The following FRMPD4 variants were observed in gnomAD, a reference collection of about 807,000 sequenced individuals.
FRMPD4 encodes the protein FERM and PDZ domain containing 4.
Under a neutral mutation model 94.1 loss-of-function variants are expected in FRMPD4, and 22 were observed. The observed-to-expected ratio is 0.23, with a 90% confidence interval of 0.17 to 0.33. The LOEUF is 0.33. Among genes scored for constraint, FRMPD4 ranks in the 10% least tolerant of loss-of-function variants. FRMPD4 has a pLI of 1.00. For synonymous variants in FRMPD4, 631 were observed against 548.6 expected, an observed-to-expected ratio of 1.15 and a Z score of -2.10; for missense variants, 1,111 against 1,339.9, an observed-to-expected ratio of 0.83 and a Z score of 2.67.
At chrX:12,011,159 C>T (rs1569142128) in intron 3 of FRMPD4, among the ~76,000 whole-genome samples, 1 of 112,426 alleles carries the variant, frequency 8.9e-6, no homozygotes, top group Non-Finnish European at 1.9e-5. Flanking sequence ...TTACATGTTT[C>T]TATGTTGCAG....
At chrX:12,264,631 A>G (rs968643818) in intron 1 of FRMPD4, among the ~76,000 whole-genome samples, 3 of 112,515 alleles carry the variant, frequency 2.7e-5, no homozygotes, top group Admixed American at 1.9e-4. Flanking sequence ...TTTTCCCACA[A>G]GACTTTGATG....
In FRMPD4 at chrX:12,721,219, G is replaced by A. The variant is rs2042233415; in HGVS notation, c.4650G>A (p.Val1550=). 1.7e-5 allele frequency: 13 copies of A among 756,390 alleles called. No homozygotes were observed. Among genetic ancestry groups the A allele is most frequent in the Non-Finnish European group, 2.0e-5 (13 of 639,581 alleles). The allele number at this position is 756,390 out of a possible 1,213,427, so 62.3% of individuals were successfully genotyped here. A position where few individuals can be genotyped will look rare whatever the true frequency, so the allele number is the denominator to read the frequency against. ...MPEPSSPCLA[V]AIQKQRGELS... ...AACCAAGCAGCCCATGCCTGGCTGTGGCGATTCAGAAGCAACGAGGGGAGC... is the reference window on the plus strand; with the variant it reads ...AACCAAGCAGCCCATGCCTGGCTGTAGCGATTCAGAAGCAACGAGGGGAGC... The change falls in exon 17 of 17, where the codon GTG becomes GTA. Residue 1550 remains valine (V), a synonymous_variant. Coordinates refer to ENST00000675598, the MANE Select transcript of FRMPD4 (RefSeq NM_001368397.1).
intron 4 of FRMPD4, among the ~76,000 whole-genome samples, chrX:12,658,420 C>G (rs1198968823): frequency 8.9e-6 from 1 of 111,876 alleles, no homozygotes; most frequent in African/African-American, 3.3e-5. Context: ...AAGTCTTATC[C>G]TAGGTGATGA....
chrX:12,589,445 A>T (rs2148391415), intron 2 of FRMPD4, among the ~76,000 whole-genome samples: 1 of 112,170 alleles, frequency 8.9e-6, no homozygotes, highest in South Asian at 3.7e-4. Context: ...TGAATCCAGA[A>T]AGCTTTGCAT....
At chrX:12,516,545 G>A (rs771078187) in intron 2 of FRMPD4, among the ~76,000 whole-genome samples, 42 of 111,848 alleles carry the variant, frequency 3.8e-4, no homozygotes, top group African/African-American at 1.3e-3. Flanking sequence ...TGGCTTGCAG[G>A]GTTCCTGCTG....
intron 1 of FRMPD4, among the ~76,000 whole-genome samples, chrX:12,388,206 T>C (rs975178276): frequency 1.4e-4 from 16 of 112,020 alleles, no homozygotes; most frequent in African/African-American, 5.2e-4. Flanking sequence ...AAAAACTCAC[T>C]GAGCTATACA....
At chrX:11,870,806 C>G (rs1443249603) in intron 2 of FRMPD4, among the ~76,000 whole-genome samples, 1 of 112,373 alleles carries the variant, frequency 8.9e-6, no homozygotes, top group Non-Finnish European at 1.9e-5. Flanking sequence ...ACAAGAAACT[C>G]TCTGAGCCAT....
At chrX:12,529,114 A>G (rs751843193) in intron 2 of FRMPD4, among the ~76,000 whole-genome samples, 39 of 112,641 alleles carry the variant, frequency 3.5e-4, no homozygotes, top group African/African-American at 1.2e-3. Flanking sequence ...CAAAGGGCTG[A>G]CTAGGACTTG....
At chrX:12,242,011 T>C (rs913604062) in intron 1 of FRMPD4, among the ~76,000 whole-genome samples, 6 of 110,362 alleles carry the variant, frequency 5.4e-5, no homozygotes, top group Non-Finnish European at 1.1e-4. Flanking sequence ...AGTAAGACAT[T>C]GCTAGGACTT....
chrX:12,662,772 G>C (rs1234639258), intron 4 of FRMPD4, among the ~76,000 whole-genome samples: 2 of 112,108 alleles, frequency 1.8e-5, no homozygotes, highest in Non-Finnish European at 3.8e-5. Context: ...TTGAGGAATT[G>C]CCACACTGTC....
intron 1 of FRMPD4, among the ~76,000 whole-genome samples, chrX:12,236,594 G>A (rs182393947): frequency 9.0e-6 from 1 of 111,437 alleles, no homozygotes; most frequent in East Asian, 2.8e-4. Flanking sequence ...TGATTATGTT[G>A]TCAAATGTTG....
At chrX:12,250,414 G>T (rs2054022405) in intron 1 of FRMPD4, among the ~76,000 whole-genome samples, 1 of 111,331 alleles carries the variant, frequency 9.0e-6, no homozygotes, top group African/African-American at 3.3e-5. Flanking sequence ...CTGTTCAGTA[G>T]GTTATAACAT....
intron 3 of FRMPD4, among the ~76,000 whole-genome samples, chrX:12,018,547 C>G (rs2054616205): frequency 9.0e-6 from 1 of 110,737 alleles, no homozygotes; most frequent in South Asian, 3.9e-4. Context: ...TCCCAAGTAG[C>G]TGGGATTATA....
intron 2 of FRMPD4, among the ~76,000 whole-genome samples, chrX:12,584,303 C>T (rs2058900637): frequency 1.8e-5 from 2 of 112,108 alleles, no homozygotes; most frequent in African/African-American, 3.2e-5. Context: ...TGTTTTATGG[C>T]TTTACAGATG....
chrX:12,533,757 T>C (rs1043265197), intron 2 of FRMPD4, among the ~76,000 whole-genome samples: 1 of 112,337 alleles, frequency 8.9e-6, no homozygotes, highest in Non-Finnish European at 1.9e-5. Flanking sequence ...AAGAAATTTC[T>C]AAGCAGCAAA....
chrX:12,709,205 G>T (rs1183534523), intron 13 of FRMPD4, among the ~76,000 whole-genome samples: 3 of 111,905 alleles, frequency 2.7e-5, no homozygotes, highest in African/African-American at 9.8e-5. Flanking sequence ...AGTTCAACAA[G>T]TAGTACAGGG....
chrX:12,388,850 T>TATATATATATATATATATACACAC (rs1491368741), intron 1 of FRMPD4, among the ~76,000 whole-genome samples: 1 of 73,466 alleles, frequency 1.4e-5, no homozygotes, highest in African/African-American at 6.4e-5. Flanking sequence ...TATATATATA[T>TATATATATATATATATATACACAC]ACACACAATG....
chrX:12,716,342 G>A lies in FRMPD4; in HGVS notation c.1883G>A (p.Arg628Gln), dbSNP rs775576730. 9 of 1,209,934 alleles carry A rather than the reference G, an allele frequency of 7.4e-6. No homozygotes were observed. Among genetic ancestry groups the A allele is most frequent in the African/African-American group, 3.5e-5 (2 of 57,235 alleles). The change falls in exon 15 of 17, where the codon CGG (arginine) becomes CAG (glutamine). Residue 628 changes from arginine to glutamine, a missense_variant. By Grantham distance (43) the Arg-to-Gln change is conservative (BLOSUM62 1). This residue lies in a region of FRMPD4 where 192 missense variants were observed against 192.5 expected (regional missense o/e 1.00). Transcript: ENST00000675598. ...GCAGACTACAGAAGTCTAGCTCAGC[G>A]GTCCCTATTGACCCTCTCAGGACCA... ...CEADYRSLAQ[R>Q]SLLTLSGPET...
At chrX:12,225,987 G>T (rs899146215) in intron 1 of FRMPD4, among the ~76,000 whole-genome samples, 1 of 111,966 alleles carries the variant, frequency 8.9e-6, no homozygotes, top group African/African-American at 3.3e-5. Flanking sequence ...CTACCTCCTG[G>T]GACTGGCATG....
Sources: gnomAD v4.1 joint callset for allele counts (sites outside exome capture counted in the v4.1 genomes callset) on GRCh38, gnomAD v4.1.1 for gene constraint, gnomAD v4.1.1 regional missense constraint, MANE v1.5 for transcripts, NCBI Gene and HGNC (gene_info 2026-07-23, HGNC 2026-07-21) for gene names.